The following PTPRM variants were observed in gnomAD, a reference collection of about 807,000 sequenced individuals.
The protein encoded by PTPRM is receptor-type tyrosine-protein phosphatase mu.
In PTPRM, 47 loss-of-function variants were observed where a neutral mutation model predicts 186.7. The ratio of observed to expected loss-of-function variants is 0.25; its 90% confidence interval spans 0.20 to 0.32. The LOEUF (loss-of-function observed/expected upper bound fraction) is 0.32, where lower values mean the gene tolerates loss of function less well. Among genes scored for constraint, PTPRM ranks in the 10% least tolerant of loss-of-function variants. The pLI is 1.00. For synonymous variants in PTPRM, 668 were observed against 674.9 expected, an observed-to-expected ratio of 0.99 and a Z score of 0.16; for missense variants, 1,494 against 1,865.0, an observed-to-expected ratio of 0.80 and a Z score of 3.66.
chr18:7,957,200 C>G (rs1159682778), intron 7 of PTPRM, among the ~76,000 whole-genome samples: 1 of 149,936 alleles, frequency 6.7e-6, no homozygotes, highest in African/African-American at 2.5e-5. Flanking sequence ...ACATTTTTGC[C>G]TTTTCTTTTG....
At chr18:8,074,944 C>T (rs866341150) in intron 8 of PTPRM, among the ~76,000 whole-genome samples, 2 of 152,092 alleles carry the variant, frequency 1.3e-5, no homozygotes, top group Non-Finnish European at 2.9e-5. Flanking sequence ...CTTTTGGTGT[C>T]ATGCCTAAGA....
chr18:8,023,996 T>C (rs901726596), intron 7 of PTPRM, among the ~76,000 whole-genome samples: 2 of 152,154 alleles, frequency 1.3e-5, no homozygotes, highest in African/African-American at 4.8e-5. Context: ...CTGCTTCAAA[T>C]TATTATGTAC....
At chr18:7,841,007 A>G (rs1172452841) in intron 2 of PTPRM, among the ~76,000 whole-genome samples, 2 of 152,184 alleles carry the variant, frequency 1.3e-5, no homozygotes, top group East Asian at 1.9e-4. Flanking sequence ...TGGAGAAGCT[A>G]TGTGCAAAAA....
At chr18:7,937,144 C>T (rs1227080896) in intron 5 of PTPRM, among the ~76,000 whole-genome samples, 2 of 152,172 alleles carry the variant, frequency 1.3e-5, no homozygotes, top group Non-Finnish European at 2.9e-5. Context: ...TCGGGACCCA[C>T]CAAATGGCAG....
At chr18:7,861,227 C>T (rs1442067530) in intron 2 of PTPRM, among the ~76,000 whole-genome samples, 2 of 152,106 alleles carry the variant, frequency 1.3e-5, no homozygotes, top group South Asian at 2.1e-4. Context: ...TTCTTGCCTT[C>T]CCTACAATTT....
intron 7 of PTPRM, among the ~76,000 whole-genome samples, chr18:8,031,043 C>T (rs1238008930): frequency 6.6e-6 from 1 of 152,144 alleles, no homozygotes; most frequent in Non-Finnish European, 1.5e-5. Flanking sequence ...TTACTCCCTC[C>T]TTGGAAAACG....
chr18:7,973,975 A>T (rs941212635), intron 7 of PTPRM, among the ~76,000 whole-genome samples: 3 of 151,790 alleles, frequency 2.0e-5, no homozygotes, highest in Non-Finnish European at 4.4e-5. Flanking sequence ...GTAAAAAAAA[A>T]AAAAGACTTG....
chr18:7,709,456 T>G (rs1204421349), intron 1 of PTPRM, among the ~76,000 whole-genome samples: 1 of 151,918 alleles, frequency 6.6e-6, no homozygotes, highest in Non-Finnish European at 1.5e-5. Context: ...TCAAAAAGTC[T>G]GAAAGAGCAC....
At chr18:7,748,370 C>T (rs2041048710) in intron 1 of PTPRM, among the ~76,000 whole-genome samples, 1 of 152,198 alleles carries the variant, frequency 6.6e-6, no homozygotes, top group Non-Finnish European at 1.5e-5. Context: ...TTGCACAGCA[C>T]CTGCCAAGCT....
intron 7 of PTPRM, among the ~76,000 whole-genome samples, chr18:8,003,662 T>C (rs774651158): frequency 6.6e-6 from 1 of 152,238 alleles, no homozygotes; most frequent in Non-Finnish European, 1.5e-5. Context: ...GCTTAAAGCC[T>C]TAAACTAAAT....
chr18:8,043,627 A>G, intron 7 of PTPRM, among the ~76,000 whole-genome samples: 1 of 151,770 alleles, frequency 6.6e-6, no homozygotes, highest in Non-Finnish European at 1.5e-5. Context: ...TACAATCCTG[A>G]TGCTTCCATG....
intron 13 of PTPRM, among the ~76,000 whole-genome samples, chr18:8,137,523 C>T (rs1468620127): frequency 6.6e-6 from 1 of 152,220 alleles, no homozygotes; most frequent in African/African-American, 2.4e-5. Flanking sequence ...CCTTCCCTTC[C>T]CTTCTTCAGT....
At chr18:8,191,251 A>G (rs538054480) in intron 14 of PTPRM, among the ~76,000 whole-genome samples, 60 of 152,180 alleles carry the variant, frequency 3.9e-4, no homozygotes, top group Non-Finnish European at 6.5e-4. Flanking sequence ...AACTCTTAAT[A>G]TGGGCCATAT....
At chr18:8,384,951 C>T (rs141530849) in intron 30 of PTPRM, among the ~76,000 whole-genome samples, 1 of 152,320 alleles carries the variant, frequency 6.6e-6, no homozygotes, top group East Asian at 1.9e-4. Flanking sequence ...GTCACAGGAC[C>T]TTGCAGTGGG....
At chr18:8,035,601 C>T (rs964574894) in intron 7 of PTPRM, among the ~76,000 whole-genome samples, 3 of 151,686 alleles carry the variant, frequency 2.0e-5, no homozygotes, top group South Asian at 2.1e-4. Context: ...ATTTTTGGAC[C>T]GAGGTTGGTT....
chr18:8,130,177 T>C (rs763773736), intron 13 of PTPRM, among the ~76,000 whole-genome samples: 3 of 152,202 alleles, frequency 2.0e-5, no homozygotes, highest in Non-Finnish European at 4.4e-5. Context: ...TTTCTGATTA[T>C]TTCTCAAGTC....
chr18:7,807,251 G>A (rs958695784), intron 2 of PTPRM, among the ~76,000 whole-genome samples: 3 of 152,154 alleles, frequency 2.0e-5, no homozygotes, highest in African/African-American at 7.2e-5. Flanking sequence ...TTACTACCAT[G>A]TCTCTTCCAG....
At chr18:8,171,621 G>A (rs2093402338) in intron 14 of PTPRM, among the ~76,000 whole-genome samples, 1 of 152,074 alleles carries the variant, frequency 6.6e-6, no homozygotes, top group Admixed American at 6.6e-5. Context: ...TGGGAGGCTG[G>A]GTCTAGGACG....
intron 1 of PTPRM, among the ~76,000 whole-genome samples, chr18:7,747,891 G>T (rs773080850): frequency 6.6e-6 from 1 of 152,080 alleles, no homozygotes; most frequent in African/African-American, 2.4e-5. Flanking sequence ...CATTTCAAGG[G>T]GACCATTTTT....
Sources: allele counts gnomAD v4.1 joint callset (sites outside exome capture counted in the v4.1 genomes callset), GRCh38; gene constraint gnomAD v4.1.1; transcripts MANE v1.5; gene names NCBI Gene and HGNC (gene_info 2026-07-23, HGNC 2026-07-21).